The following ADAMTS9 variants were observed in gnomAD, a reference collection of about 807,000 sequenced individuals.
The protein encoded by ADAMTS9 is ADAM metallopeptidase with thrombospondin type 1 motif 9.
ADAMTS9 carries 107 observed loss-of-function variants against 257.1 expected under a neutral mutation model. The observed-to-expected ratio is 0.42, with a 90% CI of 0.36 to 0.49. The LOEUF (loss-of-function observed/expected upper bound fraction) is 0.49, where lower values mean the gene tolerates loss of function less well. ADAMTS9 is among the 20% of genes least tolerant of loss of function. ADAMTS9 has a pLI of 0.03. For missense variants in ADAMTS9, 2,353 were observed against 2,469.1 expected, an observed-to-expected ratio of 0.95 and a Z score of 1.00; for synonymous variants, 982 against 880.9, an observed-to-expected ratio of 1.11 and a Z score of -2.03.
At chr3:64,634,166 G>T (rs1313748132) in intron 12 of ADAMTS9, among the ~76,000 whole-genome samples, 2 of 152,034 alleles carry the variant, frequency 1.3e-5, no homozygotes, top group African/African-American at 2.4e-5. Context: ...AGAATGTATA[G>T]CTTAAAATAT....
At chr3:64,545,751 G>A (rs903764554) in intron 32 of ADAMTS9, among the ~76,000 whole-genome samples, 1 of 152,116 alleles carries the variant, frequency 6.6e-6, no homozygotes, top group East Asian at 1.9e-4. Flanking sequence ...AGAACTTAAA[G>A]TATAATAATA....
At chr3:64,621,698 G>A (rs1700108710) in intron 18 of ADAMTS9, among the ~76,000 whole-genome samples, 1 of 151,596 alleles carries the variant, frequency 6.6e-6, no homozygotes, top group Non-Finnish European at 1.5e-5. Context: ...GGAGGCACAG[G>A]TTGCAGTGGG....
At chr3:64,623,270 A>G (rs889765816) in intron 16 of ADAMTS9, among the ~76,000 whole-genome samples, 1 of 152,226 alleles carries the variant, frequency 6.6e-6, no homozygotes, top group African/African-American at 2.4e-5. Context: ...GGCCAAAGGC[A>G]CTTTGGCTCT....
chr3:64,621,826 G>C (rs753910701), intron 18 of ADAMTS9, among the ~76,000 whole-genome samples: 3 of 151,168 alleles, frequency 2.0e-5, no homozygotes, highest in Non-Finnish European at 4.4e-5. Context: ...AAAGGTAGGC[G>C]GTAGGCTGGA....
intron 27 of ADAMTS9, 61 bp downstream of exon 27, chr3:64,596,769 G>A (rs1025595291): frequency 6.3e-7 from 1 of 1,588,482 alleles, no homozygotes; most frequent in African/African-American, 1.4e-5. Context: ...AAATCTGAAT[G>A]ATAAATACAG....
In ADAMTS9 at chr3:64,656,704, C is replaced by A. The variant is rs531341317; in HGVS notation, c.970-829G>T. On this transcript the variant is annotated intron_variant, in intron 4 of 39. Coordinates refer to ENST00000498707, the MANE Select transcript of ADAMTS9 (RefSeq NM_182920.2). ...GCAGGGCCTGATTAGATGTTCCCTT[C>A]CCTCATGGGCATGAGAGGGCTGGAG... 2.0e-3 allele frequency among the ~76,000 whole-genome samples: 305 copies of A among 152,208 alleles called. 2 individuals carry two copies. The highest frequency in any genetic ancestry group is 7.1e-3 in the African/African-American group (294 of 41,526).
chr3:64,644,846 A>C (rs1700744470), intron 11 of ADAMTS9, among the ~76,000 whole-genome samples: 2 of 152,220 alleles, frequency 1.3e-5, no homozygotes, highest in African/African-American at 4.8e-5. Flanking sequence ...CATTGGAACA[A>C]AACAAGGGGG....
intron 19 of ADAMTS9, among the ~76,000 whole-genome samples, chr3:64,618,020 T>C (rs997952034): frequency 2.0e-5 from 3 of 152,158 alleles, no homozygotes; most frequent in African/African-American, 7.2e-5. Flanking sequence ...TTAGGCTTGG[T>C]TTGTGTCGGT....
At chr3:64,677,887 CG>C (rs1232368221) in intron 3 of ADAMTS9, among the ~76,000 whole-genome samples, 1 of 152,140 alleles carries the variant, frequency 6.6e-6, no homozygotes, top group Non-Finnish European at 1.5e-5. Context: ...AATGAAGAAA[CG>C]GAACTGTAGA....
intron 16 of ADAMTS9, among the ~76,000 whole-genome samples, chr3:64,629,973 T>C (rs576211148): frequency 6.6e-6 from 1 of 152,360 alleles, no homozygotes; most frequent in Admixed American, 6.5e-5. Flanking sequence ...GCTGAATATG[T>C]CCAAATGCTT....
intron 26 of ADAMTS9, among the ~76,000 whole-genome samples, chr3:64,597,273 G>T (rs1458522230): frequency 6.6e-6 from 1 of 152,162 alleles, no homozygotes; most frequent in East Asian, 1.9e-4. Context: ...TTCCAAAGCA[G>T]GCCACTTACT....
rs748002931 is a variant in ADAMTS9, at chr3:64,658,680, T to C, written c.791A>G (p.Glu264Gly). ...CTTATTACCATAAGCAGAAAATGCC[T>C]CTGTTGCTAAGCCGCTGTTTAATGC... ...VAALNSGLAT[E>G]AFSAYGNKTD... Residue 264 changes from glutamate to glycine, a missense_variant, in exon 4 of 40, where the codon GAG (glutamate) becomes GGG (glycine). Coordinates refer to ENST00000498707, the MANE Select transcript of ADAMTS9 (RefSeq NM_182920.2). 1 of 1,614,100 alleles carries C rather than the reference T, an allele frequency of 6.2e-7. No homozygotes were observed. The highest frequency in any genetic ancestry group is 8.5e-7 in the Non-Finnish European group (1 of 1,180,006).
At chr3:64,668,757 T>C (rs1406826748) in intron 3 of ADAMTS9, among the ~76,000 whole-genome samples, 1 of 152,190 alleles carries the variant, frequency 6.6e-6, no homozygotes, top group Non-Finnish European at 1.5e-5. Flanking sequence ...GGGATCTGCC[T>C]GCTATCTGAC....
chr3:64,628,903 A>C (rs1332489631), intron 16 of ADAMTS9, among the ~76,000 whole-genome samples: 1 of 152,204 alleles, frequency 6.6e-6, no homozygotes, highest in Non-Finnish European at 1.5e-5. Context: ...CCCTAACTTT[A>C]AAACACTAGT....
At chr3:64,617,568 T>C (rs1007760598) in intron 19 of ADAMTS9, among the ~76,000 whole-genome samples, 31 of 152,180 alleles carry the variant, frequency 2.0e-4, no homozygotes, top group African/African-American at 6.8e-4. Context: ...AATACAATTG[T>C]ATTTTAATAC....
chr3:64,518,764 A>ATTTTT lies in ADAMTS9; in HGVS notation c.*6-1648_*6-1644dup, dbSNP rs61286740. Among the ~76,000 whole-genome samples, 288 of 65,322 alleles carry ATTTTT rather than the reference A, an allele frequency of 4.4e-3. 23 individuals are homozygous for ATTTTT. The highest frequency in any genetic ancestry group is 0.014 in the African/African-American group (281 of 20,190). The allele number at this position is 65,322 out of a possible 152,430, so 42.9% of individuals were successfully genotyped here. A position where few individuals can be genotyped will look rare whatever the true frequency, so the allele number is the denominator to read the frequency against. On this transcript the variant is annotated intron_variant, in intron 39 of 39. Coordinates refer to ENST00000498707, the MANE Select transcript of ADAMTS9 (RefSeq NM_182920.2). ...CGAGGGAATTTATCATTACCTTTTC[A>ATTTTT]TTTTTTTTTTTTTTTTTTTTTTTTT... is the stretch of plus-strand genomic sequence containing the variant.
At chr3:64,598,405 C>A (rs1347223037) in intron 26 of ADAMTS9, among the ~76,000 whole-genome samples, 1 of 151,160 alleles carries the variant, frequency 6.6e-6, no homozygotes, top group Non-Finnish European at 1.5e-5. Flanking sequence ...ACGGCCTCAA[C>A]CTCTCAGCTC....
At chr3:64,618,786 C>T (rs1044317056) in intron 19 of ADAMTS9, among the ~76,000 whole-genome samples, 1 of 152,102 alleles carries the variant, frequency 6.6e-6, no homozygotes, top group East Asian at 1.9e-4. Flanking sequence ...TGTAACTCCA[C>T]GTAAACCAAT....
At position 64,669,231 on chromosome 3, in the gene ADAMTS9, A is replaced by G. The variant is rs544416913; in HGVS notation, c.680-10440T>C. Among the ~76,000 whole-genome samples, 3 of 152,352 alleles carry G rather than the reference A, an allele frequency of 2.0e-5. 1 individual carries two copies. In the South Asian group the frequency reaches 6.2e-4, roughly 32 times the overall value. ...CCCTTAAATGAATTGAAAGCTTTCT[A>G]TCTTTCTCTATAAGCTTGAGACAAC... On this transcript the variant is annotated intron_variant, in intron 3 of 39. Coordinates refer to ENST00000498707, the MANE Select transcript of ADAMTS9 (RefSeq NM_182920.2).
Sources: allele counts gnomAD v4.1 joint callset (sites outside exome capture counted in the v4.1 genomes callset), GRCh38; gene constraint gnomAD v4.1.1; transcripts MANE v1.5; gene names NCBI Gene and HGNC (gene_info 2026-07-23, HGNC 2026-07-21).